ERC2: variants seen among roughly 807,000 people sequenced by gnomAD.
ERC2 encodes the protein ERC protein 2.
ERC2 carries 42 observed loss-of-function variants against 114.8 expected under a neutral mutation model. The ratio of observed to expected loss-of-function variants is 0.37; its 90% CI spans 0.29 to 0.47. ERC2 has a LOEUF of 0.47. Ranked by LOEUF, ERC2 falls within the 20% of genes least tolerant of loss-of-function variation. The pLI is 0.99. For synonymous variants in ERC2, 454 were observed against 425.5 expected (o/e 1.07, Z -0.82); for missense variants, 939 against 1,150.7 (o/e 0.82, Z 2.66).
Position 56,296,277 on chromosome 3 carries a change from C to A in ERC2, c.816G>T (p.Arg272Ser). 5.0e-6 allele frequency: 8 copies of A among 1,614,008 alleles called. No homozygotes were observed. The highest frequency in any genetic ancestry group is 6.8e-6 in the Non-Finnish European group (8 of 1,179,884). Reference protein sequence around the residue: ...NFRRLQAEHDRQAKELFLLRK... With the variant: ...NFRRLQAEHDSQAKELFLLRK... ...TCAAAAGGAACAGCTCCTTAGCCTG[C>A]CTGTCATGCTCGGCTTGGAGCCGCC... Residue 272 changes from arginine to serine, a missense_variant, in exon 3 of 18, where the codon AGG becomes AGT. Arg to Ser is a moderately radical substitution (Grantham distance 110, BLOSUM62 -1). This residue lies in a region of ERC2 where 33 missense variants were observed against 75.6 expected (regional missense o/e 0.44). Transcript: ENST00000288221.
At chr3:55,997,655 C>A (rs552824569) in intron 10 of ERC2, among the ~76,000 whole-genome samples, 37 of 149,738 alleles carry the variant, frequency 2.5e-4, no homozygotes, top group African/African-American at 8.8e-4. Context: ...AGATAACCTG[C>A]ATAGTGTTTC....
At chr3:55,654,948 T>TAAC (rs2060792833) in intron 17 of ERC2, among the ~76,000 whole-genome samples, 1 of 152,190 alleles carries the variant, frequency 6.6e-6, no homozygotes, top group Admixed American at 6.5e-5. Flanking sequence ...GCCCAACCTC[T>TAAC]AACTGCCCAT....
intron 6 of ERC2, among the ~76,000 whole-genome samples, chr3:56,087,179 T>TTGTGTGTGTGTG (rs59471652): frequency 2.8e-4 from 42 of 147,374 alleles, no homozygotes; most frequent in African/African-American, 7.5e-4. Flanking sequence ...TTTGATCCAT[T>TTGTGTGTGTGTG]TGTGTGTGTG....
intron 2 of ERC2, among the ~76,000 whole-genome samples, chr3:56,350,085 C>A (rs1188889441): frequency 6.6e-6 from 1 of 152,156 alleles, no homozygotes; most frequent in East Asian, 1.9e-4. Flanking sequence ...TAGCCCAGAA[C>A]AACGTCCAAA....
At chr3:55,588,824 A>G (rs2107596629) in intron 17 of ERC2, among the ~76,000 whole-genome samples, 1 of 152,212 alleles carries the variant, frequency 6.6e-6, no homozygotes, top group South Asian at 2.1e-4. Flanking sequence ...GTTTGAGTTC[A>G]AGTTCACACC....
intron 17 of ERC2, among the ~76,000 whole-genome samples, chr3:55,625,668 G>A (rs1448755479): frequency 6.6e-6 from 1 of 152,132 alleles, no homozygotes; most frequent in African/African-American, 2.4e-5. Context: ...GGAGAATGGC[G>A]TGAACCTGGG....
At chr3:56,156,553 T>C (rs1282977233) in intron 4 of ERC2, among the ~76,000 whole-genome samples, 2 of 151,866 alleles carry the variant, frequency 1.3e-5, no homozygotes, top group Non-Finnish European at 2.9e-5. Context: ...AGGGGTGGAG[T>C]TGGGTGCAGG....
chr3:56,172,938 T>C (rs1003830778), intron 4 of ERC2, among the ~76,000 whole-genome samples: 1 of 152,218 alleles, frequency 6.6e-6, no homozygotes, highest in Non-Finnish European at 1.5e-5. Flanking sequence ...CTTAGTAAAG[T>C]GTTATTACTT....
rs74554828 is a variant in ERC2 at position 55,708,802 on chromosome 3, A to T, written c.2713-9290T>A. ...AGAAAGGTGGGAGAGAATGAAGGAG[A>T]CTGGGAATAAATAAAGGAAGGAAGA... On this transcript the variant is annotated intron_variant, in intron 15 of 17. Coordinates refer to ENST00000288221, the MANE Select transcript of ERC2 (RefSeq NM_015576.3). Among the ~76,000 whole-genome samples, 187 of 151,922 alleles carry T rather than the reference A, an allele frequency of 1.2e-3. 2 individuals carry two copies. The highest frequency in any genetic ancestry group is 4.4e-3 in the African/African-American group (184 of 41,444).
At chr3:56,167,379 T>C (rs1056995950) in intron 4 of ERC2, among the ~76,000 whole-genome samples, 31 of 152,098 alleles carry the variant, frequency 2.0e-4, no homozygotes, top group Admixed American at 6.6e-5. Context: ...ACCTGGGTAA[T>C]AGCAGGAATT....
intron 17 of ERC2, among the ~76,000 whole-genome samples, chr3:55,683,459 C>T (rs1174309644): frequency 2.0e-5 from 3 of 152,144 alleles, no homozygotes; most frequent in Admixed American, 6.5e-5. Context: ...TGGAGAATTG[C>T]GACAATTTCT....
intron 2 of ERC2, among the ~76,000 whole-genome samples, chr3:56,341,686 C>G (rs62255862): frequency 0.31 from 47,228 of 151,796 alleles, 7,446 homozygotes; most frequent in Admixed American, 0.34. Context: ...TGCCCAGAAG[C>G]CCCAGTAATC....
At chr3:56,366,845 C>G (rs138621800) in intron 2 of ERC2, among the ~76,000 whole-genome samples, 1 of 152,310 alleles carries the variant, frequency 6.6e-6, no homozygotes, top group Non-Finnish European at 1.5e-5. Context: ...TGTGACTCAC[C>G]AATAAAACTG....
chr3:55,586,664 A>AC (rs529228116), intron 17 of ERC2, among the ~76,000 whole-genome samples: 2 of 152,202 alleles, frequency 1.3e-5, no homozygotes, highest in African/African-American at 4.8e-5. Flanking sequence ...AAGCTCCTTA[A>AC]CCCCCTCTCC....
intron 6 of ERC2, 126 bp downstream of exon 6, chr3:56,139,383 T>A: frequency 1.1e-6 from 1 of 896,264 alleles, no homozygotes; most frequent in Non-Finnish European, 1.7e-6. Flanking sequence ...CCAACAAATA[T>A]GAATTTCAAA....
intron 14 of ERC2, among the ~76,000 whole-genome samples, chr3:55,842,461 G>T (rs1208434700): frequency 2.6e-5 from 4 of 152,134 alleles, no homozygotes; most frequent in African/African-American, 9.7e-5. Flanking sequence ...GAGTGGAGGG[G>T]TTCTGCTATT....
chr3:56,033,213 G>T (rs2074590745), intron 7 of ERC2, among the ~76,000 whole-genome samples: 1 of 152,114 alleles, frequency 6.6e-6, no homozygotes, highest in Admixed American at 6.5e-5. Flanking sequence ...ACAACAGAGT[G>T]AGACCCCATC....
chr3:55,746,374 C>T (rs2066303557), intron 14 of ERC2, among the ~76,000 whole-genome samples: 1 of 152,000 alleles, frequency 6.6e-6, no homozygotes, highest in South Asian at 2.1e-4. Flanking sequence ...GCTGAGATTA[C>T]AGGCATGCAC....
At chr3:56,009,368 C>G (rs755535550) in intron 9 of ERC2, among the ~76,000 whole-genome samples, 1 of 152,174 alleles carries the variant, frequency 6.6e-6, no homozygotes, top group South Asian at 2.1e-4. Flanking sequence ...TTCTAAAAAG[C>G]AAGTAGGTTT....
Sources: gnomAD v4.1 joint callset for allele counts (sites outside exome capture counted in the v4.1 genomes callset) on GRCh38, gnomAD v4.1.1 for gene constraint, gnomAD v4.1.1 regional missense constraint, MANE v1.5 for transcripts, NCBI Gene and HGNC (gene_info 2026-07-23, HGNC 2026-07-21) for gene names.